SUPT3H: variants seen among roughly 807,000 people sequenced by gnomAD.
SUPT3H encodes SPT3 homolog, SAGA and STAGA complex component.
In SUPT3H, 44 loss-of-function variants were observed where a neutral mutation model predicts 44.3. The observed-to-expected ratio is 0.99, with a 90% CI of 0.78 to 1.28. SUPT3H has a LOEUF of 1.28. SUPT3H is among the 50% of genes most tolerant of loss of function. SUPT3H has a pLI of 0.00. For missense variants in SUPT3H, 380 were observed against 387.1 expected, an observed-to-expected ratio of 0.98 and a Z score of 0.15; for synonymous variants, 124 against 125.6, an observed-to-expected ratio of 0.99 and a Z score of 0.09.
At chr6:44,983,807 C>G (rs1582896710) in intron 6 of SUPT3H, among the ~76,000 whole-genome samples, 1 of 152,132 alleles carries the variant, frequency 6.6e-6, no homozygotes, top group East Asian at 1.9e-4. Context: ...ACTGAAAGAG[C>G]TTGACTGGAA....
chr6:45,245,943 G>GT (rs1292402099), intron 2 of SUPT3H, among the ~76,000 whole-genome samples: 1 of 151,948 alleles, frequency 6.6e-6, no homozygotes, highest in African/African-American at 2.4e-5. Context: ...TGCCAACACT[G>GT]TTTTTTTAAT....
chr6:44,888,223 C>G (rs534770828), intron 10 of SUPT3H, among the ~76,000 whole-genome samples: 2 of 152,230 alleles, frequency 1.3e-5, no homozygotes, highest in African/African-American at 2.4e-5. Context: ...TGAAACTATT[C>G]CAATCAACAG....
At chr6:45,148,650 T>C (rs1806467480) in intron 2 of SUPT3H, among the ~76,000 whole-genome samples, 1 of 152,154 alleles carries the variant, frequency 6.6e-6, no homozygotes, top group Non-Finnish European at 1.5e-5. Flanking sequence ...CAGATAATCC[T>C]CTTTCCATCA....
intron 3 of SUPT3H, among the ~76,000 whole-genome samples, chr6:45,035,699 G>A (rs1787570912): frequency 6.6e-6 from 1 of 152,150 alleles, no homozygotes; most frequent in Non-Finnish European, 1.5e-5. Flanking sequence ...TAGTGACACT[G>A]TGACCTGATA....
chr6:44,843,315 C>G (rs1015052954), intron 10 of SUPT3H, among the ~76,000 whole-genome samples: 2 of 152,092 alleles, frequency 1.3e-5, no homozygotes, highest in African/African-American at 2.4e-5. Context: ...TGGTGAAAGT[C>G]TAAAACAATT....
intron 10 of SUPT3H, among the ~76,000 whole-genome samples, chr6:44,891,569 C>T (rs1005087164): frequency 5.3e-5 from 8 of 151,628 alleles, no homozygotes; most frequent in Admixed American, 6.6e-5. Flanking sequence ...GATAGAAAGT[C>T]GATAGAGGCT....
At chr6:45,160,088 A>C (rs1808687508) in intron 2 of SUPT3H, among the ~76,000 whole-genome samples, 1 of 152,218 alleles carries the variant, frequency 6.6e-6, no homozygotes, top group African/African-American at 2.4e-5. Flanking sequence ...AAAGCATAGC[A>C]TGTACCTCTC....
At chr6:45,304,430 A>G (rs1782671048) in intron 2 of SUPT3H, among the ~76,000 whole-genome samples, 1 of 152,186 alleles carries the variant, frequency 6.6e-6, no homozygotes, top group Non-Finnish European at 1.5e-5. Flanking sequence ...AAAACTAAAT[A>G]TGTAATAAAT....
At position 45,255,819 on chromosome 6, in the gene SUPT3H, C is replaced by T. The variant is rs1033298962; in HGVS notation, c.101+109382G>A. Among the ~76,000 whole-genome samples, 4 of 152,248 alleles carry T rather than the reference C, an allele frequency of 2.6e-5. No homozygotes were observed. In the South Asian group the frequency reaches 6.2e-4, roughly 24 times the overall value. ...CTCATTCAATGGCTTTTAATATATT[C>T]GCAGATATGTGCAACTATCACCACA... is the stretch of plus-strand genomic sequence containing the variant. On this transcript the variant is annotated intron_variant, in intron 2 of 10. Coordinates refer to ENST00000371459, the MANE Select transcript of SUPT3H (RefSeq NM_003599.4).
chr6:44,936,038 A>G (rs895789459), intron 9 of SUPT3H, among the ~76,000 whole-genome samples: 29 of 152,318 alleles, frequency 1.9e-4, no homozygotes, highest in African/African-American at 5.8e-4. Flanking sequence ...TAAATGTAAA[A>G]TCTTAAGTCT....
Position 44,816,208 on chromosome 6 carries a change from G to A in SUPT3H, c.*53-6707C>T, listed in dbSNP as rs566931579. On this transcript the variant is annotated intron_variant and NMD_transcript_variant, in intron 11 of 11. Transcript: ENST00000475057. ...AAAACAAAACACATTAAAGGTTGTGGGATATAGCTAAAGTAGTGTTTAGAG... is the reference window on the plus strand; with the variant it reads ...AAAACAAAACACATTAAAGGTTGTGAGATATAGCTAAAGTAGTGTTTAGAG... 1.6e-4 allele frequency among the ~76,000 whole-genome samples: 25 copies of A among 152,182 alleles called. No homozygotes were observed. In the South Asian group the frequency reaches 5.0e-3, roughly 30 times the overall value.
At chr6:44,896,080 A>T (rs1764087344) in intron 10 of SUPT3H, among the ~76,000 whole-genome samples, 1 of 152,142 alleles carries the variant, frequency 6.6e-6, no homozygotes, top group Admixed American at 6.6e-5. Flanking sequence ...AACACAACCT[A>T]TAAAAAACGC....
chr6:44,958,740 C>T (rs1218297522), intron 7 of SUPT3H, among the ~76,000 whole-genome samples: 1 of 151,482 alleles, frequency 6.6e-6, no homozygotes. Flanking sequence ...TCCTACCCAA[C>T]TAAACAATCA....
intron 5 of SUPT3H, among the ~76,000 whole-genome samples, chr6:45,008,404 G>C (rs1283915949): frequency 6.6e-6 from 1 of 152,156 alleles, no homozygotes; most frequent in Non-Finnish European, 1.5e-5. Context: ...TGCCAGGCTG[G>C]AATGAAGTGG....
chr6:45,364,763 A>T (rs1794849604), intron 2 of SUPT3H, among the ~76,000 whole-genome samples: 1 of 152,216 alleles, frequency 6.6e-6, no homozygotes, highest in African/African-American at 2.4e-5. Context: ...ATCAGAACTA[A>T]AAACTAATTT....
At chr6:44,961,295 G>C (rs930731944) in intron 7 of SUPT3H, among the ~76,000 whole-genome samples, 3 of 152,144 alleles carry the variant, frequency 2.0e-5, no homozygotes, top group South Asian at 4.1e-4. Context: ...GACAAAAATG[G>C]AAGAGACCAG....
intron 9 of SUPT3H, among the ~76,000 whole-genome samples, chr6:44,939,217 C>G (rs916797380): frequency 4.6e-5 from 7 of 152,174 alleles, no homozygotes; most frequent in Middle Eastern, 3.4e-3. Context: ...TAGTATATGG[C>G]CTTTACTACT....
intron 10 of SUPT3H, among the ~76,000 whole-genome samples, chr6:44,888,785 G>A (rs927216668): frequency 2.0e-5 from 3 of 152,070 alleles, no homozygotes; most frequent in Non-Finnish European, 2.9e-5. Context: ...GCAGGAGAAG[G>A]AAATAAAGGG....
intron 2 of SUPT3H, among the ~76,000 whole-genome samples, chr6:45,176,920 C>A (rs1457433102): frequency 6.6e-6 from 1 of 151,858 alleles, no homozygotes; most frequent in African/African-American, 2.4e-5. Context: ...CCCATCTGTA[C>A]ATCAGCATCA....
Sources: allele counts gnomAD v4.1 joint callset (sites outside exome capture counted in the v4.1 genomes callset), GRCh38; gene constraint gnomAD v4.1.1; transcripts MANE v1.5; gene names NCBI Gene and HGNC (gene_info 2026-07-23, HGNC 2026-07-21).